REDIC1: variants seen among roughly 807,000 people sequenced by gnomAD.
The protein encoded by REDIC1 is HEI10 Interacting Protein 1.
chr12:39,649,282 C>G, the REDIC1 span, among the ~76,000 whole-genome samples: 3 of 151,054 alleles, frequency 2.0e-5, no homozygotes, highest in African/African-American at 7.3e-5. Context: ...GGAGGAATTT[C>G]AAAAAAAGTG....
the REDIC1 span, chr12:39,756,596 G>C: frequency 6.6e-6 from 1 of 151,756 alleles, no homozygotes; most frequent in African/African-American, 2.4e-5. Context: ...TAAACATATG[G>C]ATGGTATTTT....
At chr12:39,747,595 C>A in the REDIC1 span, among the ~76,000 whole-genome samples, 1 of 152,048 alleles carries the variant, frequency 6.6e-6, no homozygotes, top group African/African-American at 2.4e-5. Context: ...GATAACTCCT[C>A]GAGAAGAGCA....
chr12:39,760,953 A>AACACACACACACAC, the REDIC1 span, among the ~76,000 whole-genome samples: 811 of 101,578 alleles, frequency 8.0e-3, 32 homozygotes, highest in East Asian at 0.028. Context: ...GTCTCTACCA[A>AACACACACACACAC]ACACACACAC....
At chr12:39,745,626 G>A in the REDIC1 span, among the ~76,000 whole-genome samples, 1 of 152,080 alleles carries the variant, frequency 6.6e-6, no homozygotes, top group Non-Finnish European at 1.5e-5. Context: ...CACCCAACTT[G>A]GTTATAATAT....
chr12:39,677,209 C>T, the REDIC1 span, among the ~76,000 whole-genome samples: 1 of 152,194 alleles, frequency 6.6e-6, no homozygotes, highest in East Asian at 1.9e-4. Flanking sequence ...TTATGTAACA[C>T]ATAAGAATTC....
the REDIC1 span, among the ~76,000 whole-genome samples, chr12:39,899,266 C>T: frequency 1.6e-4 from 25 of 152,116 alleles, no homozygotes; most frequent in African/African-American, 2.6e-4. Flanking sequence ...AGTTTATTTG[C>T]GTAGAGGTGT....
chr12:39,741,801 GCT>G, the REDIC1 span, among the ~76,000 whole-genome samples: 4 of 152,272 alleles, frequency 2.6e-5, no homozygotes, highest in East Asian at 7.7e-4. Flanking sequence ...AAGGAGTAAG[GCT>G]CTGTCTAAAA....
the REDIC1 span, among the ~76,000 whole-genome samples, chr12:39,728,780 CTTTTTTTTTT>C: frequency 1.6e-4 from 15 of 92,174 alleles, no homozygotes; most frequent in Non-Finnish European, 2.8e-4. Context: ...TGGTCCTGGG[CTTTTTTTTTT>C]TTTTTTTTTT....
the REDIC1 span, among the ~76,000 whole-genome samples, chr12:39,761,493 T>TA: frequency 6.6e-6 from 1 of 152,112 alleles, no homozygotes; most frequent in African/African-American, 2.4e-5. Flanking sequence ...CCCAGATTGT[T>TA]AAATTCTACT....
At chr12:39,661,318 A>AT in the REDIC1 span, among the ~76,000 whole-genome samples, 7 of 150,978 alleles carry the variant, frequency 4.6e-5, no homozygotes, top group African/African-American at 7.4e-5. Flanking sequence ...GCTGTTTGTT[A>AT]TTTTTTTGTT....
the REDIC1 span, among the ~76,000 whole-genome samples, chr12:39,671,831 T>G: frequency 6.6e-6 from 1 of 152,062 alleles, no homozygotes; most frequent in African/African-American, 2.4e-5. Context: ...TCTCCAGGCC[T>G]CTGGATGGGT....
the REDIC1 span, among the ~76,000 whole-genome samples, chr12:39,694,220 C>A: frequency 1.2e-4 from 19 of 152,016 alleles, no homozygotes; most frequent in Admixed American, 3.3e-4. Context: ...ATAGAAGACA[C>A]CCACTGCAAG....
At chr12:39,763,594 T>C in the REDIC1 span, among the ~76,000 whole-genome samples, 1 of 151,946 alleles carries the variant, frequency 6.6e-6, no homozygotes, top group Non-Finnish European at 1.5e-5. Flanking sequence ...CAAAGAGAAA[T>C]GATAAGTGGC....
the REDIC1 span, among the ~76,000 whole-genome samples, chr12:39,865,978 T>C: frequency 6.6e-6 from 1 of 152,162 alleles, no homozygotes; most frequent in Non-Finnish European, 1.5e-5. Context: ...ACCTCTGAGA[T>C]ATGTGTTAAC....
At chr12:39,670,743 C>T in the REDIC1 span, among the ~76,000 whole-genome samples, 2 of 146,072 alleles carry the variant, frequency 1.4e-5, no homozygotes, top group South Asian at 4.3e-4. Flanking sequence ...ATTTCTTCTT[C>T]TTTTTTTTTT....
chr12:39,745,372 CT>C, the REDIC1 span, among the ~76,000 whole-genome samples: 1 of 152,156 alleles, frequency 6.6e-6, no homozygotes, highest in Non-Finnish European at 1.5e-5. Context: ...TTAAAAATGA[CT>C]TTGGCACCAA....
the REDIC1 span, among the ~76,000 whole-genome samples, chr12:39,688,265 T>G: frequency 6.6e-6 from 1 of 152,322 alleles, no homozygotes; most frequent in East Asian, 1.9e-4. Context: ...AATTAAAGTT[T>G]GTTTTGGGTT....
chr12:39,693,749 G>A, the REDIC1 span, among the ~76,000 whole-genome samples: 1 of 152,102 alleles, frequency 6.6e-6, no homozygotes, highest in Non-Finnish European at 1.5e-5. Flanking sequence ...AATACTGTAA[G>A]TGAACAATTT....
the REDIC1 span, among the ~76,000 whole-genome samples, chr12:39,849,222 C>T: frequency 1.3e-5 from 2 of 151,440 alleles, no homozygotes; most frequent in Admixed American, 1.3e-4. Context: ...GGAAAGAGTC[C>T]CTAACAGTAT....
Sources: gnomAD v4.1 joint callset for allele counts (sites outside exome capture counted in the v4.1 genomes callset) on GRCh38, gnomAD v4.1.1 for gene constraint, MANE v1.5 for transcripts, NCBI Gene and HGNC (gene_info 2026-07-23, HGNC 2026-07-21) for gene names.